GCFC2: variants seen among roughly 807,000 people sequenced by gnomAD.
The protein encoded by GCFC2 is GC-rich sequence DNA-binding factor 2.
In GCFC2, 102 loss-of-function variants were observed where a neutral mutation model predicts 99.4. That is an observed-to-expected ratio of 1.03 (90% CI 0.87 to 1.21). GCFC2 has a LOEUF of 1.21. Ranked by LOEUF, GCFC2 falls within the 50% of genes most tolerant of loss-of-function variation. The pLI is 0.00. For synonymous variants in GCFC2, 338 were observed against 316.8 expected (o/e 1.07, Z -0.71); for missense variants, 973 against 920.9 (o/e 1.06, Z -0.73).
chr2:75,701,834 T>C lies in GCFC2; in HGVS notation c.619+365A>G, dbSNP rs911403680. 5 of 969,738 alleles carry C rather than the reference T, an allele frequency of 5.2e-6. No individual in the cohort carries two copies. In the African/African-American group the frequency reaches 7.0e-5, roughly 14 times the overall value. 60.1% of individuals were successfully genotyped at this position (969,738 alleles called of 1,614,324 possible). The stretch of plus-strand genomic sequence containing the variant: ...AAATTTTTTATTACAGCAGGGAAGA[T>C]TTTAATACATGACATCTAAAATCTC... On this transcript the variant is annotated intron_variant, in intron 3 of 16. Transcript: ENST00000321027.
Position 75,673,505 on chromosome 2 carries a change from T to C in GCFC2, c.1828A>G (p.Ile610Val), listed in dbSNP as rs771028343. The change falls in exon 13 of 17, where the codon ATT becomes GTT. Residue 610 changes from isoleucine to valine, a missense_variant. Ile to Val is a conservative substitution (Grantham distance 29, BLOSUM62 3). Transcript: ENST00000321027. ...SKSRQDLLKS[I>V]VSRMKKAVED... ...ACTGCCTTTTTCATTCTTGAAACAATGGATTTAAGTAAATCCTATTATTAC... is the reference window on the plus strand; with the variant it reads ...ACTGCCTTTTTCATTCTTGAAACAACGGATTTAAGTAAATCCTATTATTAC... The C allele has an allele frequency of 7.7e-6, 10 of 1,299,096 alleles. No individual in the cohort carries two copies. The highest frequency in any genetic ancestry group is 1.1e-5 in the Non-Finnish European group (10 of 893,152). 80.5% of individuals were successfully genotyped at this position (1,299,096 alleles called of 1,614,324 possible). A position where few individuals can be genotyped will look rare whatever the true frequency, so the allele number is the denominator to read the frequency against.
Position 75,690,034 on chromosome 2 carries a change from T to G in GCFC2, c.1274A>C (p.Gln425Pro). The change falls in exon 9 of 17, where the codon CAG becomes CCG. Residue 425 changes from glutamine (Q) to proline (P), a missense_variant. Transcript: ENST00000321027. Reference sequence around the variant, plus strand: ...TTCATCATCACTAGATGTTCCTTCCTGATGGTTACAATTCCCAGAAAGCAC... The same window carrying G: ...TTCATCATCACTAGATGTTCCTTCCGGATGGTTACAATTCCCAGAAAGCAC... Reference protein sequence around the residue: ...ARVLSGNCNHQEGTSSDDELP... With the variant: ...ARVLSGNCNHPEGTSSDDELP... The G allele has an allele frequency of 6.2e-7, 1 of 1,610,160 alleles. No homozygotes were observed. The highest frequency in any genetic ancestry group is 8.5e-7 in the Non-Finnish European group (1 of 1,177,942).
chr2:75,680,739 T>C (rs1447121083), intron 11 of GCFC2, among the ~76,000 whole-genome samples: 1 of 152,222 alleles, frequency 6.6e-6, no homozygotes, highest in Non-Finnish European at 1.5e-5. Context: ...GATGGACTTT[T>C]TCCTTCTAGA....
chr2:75,696,337 T>C (rs1347862483), intron 4 of GCFC2, 22 bp from the exon 5 acceptor site: 1 of 979,998 alleles, frequency 1.0e-6, no homozygotes, highest in African/African-American at 1.6e-5. Context: ...AAAATAGATT[T>C]TTACAAAACC....
chr2:75,689,308 G>C (rs184260511), intron 9 of GCFC2, 83 bp from the exon 10 acceptor site: 1 of 680,594 alleles, frequency 1.5e-6, no homozygotes, highest in African/African-American at 1.9e-5. Flanking sequence ...ATGATGGACT[G>C]TAATCAATTG....
chr2:75,676,337 G>A (rs1679338065), intron 12 of GCFC2, among the ~76,000 whole-genome samples: 1 of 152,154 alleles, frequency 6.6e-6, no homozygotes, highest in Non-Finnish European at 1.5e-5. Flanking sequence ...AGTTAACAAT[G>A]AGAGTTAACA....
At chr2:75,699,896 G>GTT (rs541277356) in intron 4 of GCFC2, among the ~76,000 whole-genome samples, 12 of 135,810 alleles carry the variant, frequency 8.8e-5, no homozygotes, top group Non-Finnish European at 4.8e-5. Flanking sequence ...CTTTAACGTT[G>GTT]TTTTTTTTTT....
intron 2 of GCFC2, among the ~76,000 whole-genome samples, chr2:75,704,463 T>A (rs2298947): frequency 0.5 from 75,839 of 152,098 alleles, 20,454 homozygotes; most frequent in African/African-American, 0.73. Context: ...TTTCTCAATG[T>A]GCATAGGGGA....
intron 2 of GCFC2, among the ~76,000 whole-genome samples, chr2:75,702,703 G>A (rs1304195218): frequency 6.6e-6 from 1 of 152,172 alleles, no homozygotes; most frequent in Non-Finnish European, 1.5e-5. Context: ...ATCAGGTACT[G>A]CTCACTTTGT....
At chr2:75,678,153 T>C (rs2104270038) in intron 12 of GCFC2, among the ~76,000 whole-genome samples, 1 of 152,304 alleles carries the variant, frequency 6.6e-6, no homozygotes, top group South Asian at 2.1e-4. Context: ...CACAGGGTTA[T>C]GAGGATCAAA....
At chr2:75,669,243 T>G (rs1254406489) in intron 15 of GCFC2, among the ~76,000 whole-genome samples, 1 of 152,226 alleles carries the variant, frequency 6.6e-6, no homozygotes, top group East Asian at 1.9e-4. Context: ...TTGTTACATG[T>G]TAACAACTTT....
rs563568870 is a variant in GCFC2, at chr2:75,670,155, C to T, written c.2086G>A (p.Val696Ile). 178 of 1,606,334 alleles carry T rather than the reference C, an allele frequency of 1.1e-4. 3 individuals are homozygous for T. The South Asian group carries it at 1.9e-3, about 17-fold the overall frequency. ...CAACTTACCTGGTTGCACTTTTTAA[C>T]CACATCTGGCCCAGGTGTGGCATTG... The part of the protein sequence containing the change: ...LLNATPGPDV[V>I]KKCNQVAACL... Residue 696 changes from valine (V) to isoleucine (I), a missense_variant, in exon 15 of 17, where the codon GTT becomes ATT. Val to Ile is a conservative substitution (Grantham distance 29). Transcript: ENST00000321027.
chr2:75,678,721 A>T (rs1679449943), intron 12 of GCFC2, among the ~76,000 whole-genome samples: 1 of 152,196 alleles, frequency 6.6e-6, no homozygotes, highest in Non-Finnish European at 1.5e-5. Context: ...ACTAGTTTTA[A>T]AGATTCATTT....
chr2:75,698,547 C>G (rs1340721768), intron 4 of GCFC2, among the ~76,000 whole-genome samples: 1 of 152,014 alleles, frequency 6.6e-6, no homozygotes, highest in Non-Finnish European at 1.5e-5. Flanking sequence ...ATATGTCAAG[C>G]AAGGAAATCA....
In GCFC2 at chr2:75,670,181, A is replaced by G. The variant is rs200761954; in HGVS notation, c.2060T>C (p.Leu687Pro). ...CACATCTGGCCCAGGTGTGGCATTG[A>G]GAAGTGCTATAATAAGGTAACGATT... is the stretch of plus-strand genomic sequence containing the variant. The part of the protein sequence containing the change: ...LLNRYLIIAL[L>P]NATPGPDVVK... The change falls in exon 15 of 17, where the codon CTC (leucine) becomes CCC (proline). Residue 687 changes from leucine to proline, a missense_variant. Transcript: ENST00000321027. The G allele has an allele frequency of 1.5e-5, 24 of 1,609,642 alleles. No individual in the cohort carries two copies. Among genetic ancestry groups the G allele is most frequent in the Non-Finnish European group, 2.0e-5 (24 of 1,175,972 alleles).
rs1347761736 is a variant in GCFC2, at chr2:75,662,902, C to T, written c.*1764G>A. Reference sequence around the variant, plus strand: ...TGTGCAATAAAGTGTCTGCCACTTACGTAAAAAAAAAAAAAAAACCCAAAA... The same window carrying T: ...TGTGCAATAAAGTGTCTGCCACTTATGTAAAAAAAAAAAAAAAACCCAAAA... On this transcript the variant is annotated 3_prime_UTR_variant, in exon 17 of 17. Coordinates refer to ENST00000321027, the MANE Select transcript of GCFC2 (RefSeq NM_003203.5). 3 of 118,828 alleles carry T rather than the reference C, an allele frequency of 2.5e-5. No homozygotes were observed. Among genetic ancestry groups the T allele is most frequent in the Non-Finnish European group, 5.0e-5 (3 of 60,224 alleles). 7.4% of individuals were successfully genotyped at this position (118,828 alleles called of 1,614,324 possible).
intron 11 of GCFC2, among the ~76,000 whole-genome samples, chr2:75,684,142 A>G (rs574823837): frequency 6.6e-6 from 1 of 152,352 alleles, no homozygotes; most frequent in East Asian, 1.9e-4. Flanking sequence ...ATAGACATCT[A>G]TAGAACTCTC....
In GCFC2 at chr2:75,687,792, A is replaced by G. The variant is rs1573065748; in HGVS notation, c.1690+35T>C. ...AACAACCTTATATACTCTGTCAGAA[A>G]ATAATTTAATTTTACCAAGGTTACG... On this transcript the variant is annotated intron_variant, in intron 11 of 16. Transcript: ENST00000321027. The G allele has an allele frequency of 2.6e-6, 4 of 1,534,456 alleles. No homozygotes were observed. The East Asian group carries it at 9.0e-5, about 35-fold the overall frequency.
chr2:75,673,912 C>CA (rs1679234649), intron 12 of GCFC2, among the ~76,000 whole-genome samples: 1 of 152,158 alleles, frequency 6.6e-6, no homozygotes, highest in African/African-American at 2.4e-5. Flanking sequence ...CAACTACGTA[C>CA]AAAAAACCAA....
Sources: gnomAD v4.1 joint callset for allele counts (sites outside exome capture counted in the v4.1 genomes callset) on GRCh38, gnomAD v4.1.1 for gene constraint, MANE v1.5 for transcripts, NCBI Gene and HGNC (gene_info 2026-07-23, HGNC 2026-07-21) for gene names.